The following TNXB variants were observed in gnomAD, a reference collection of about 807,000 sequenced individuals.
TNXB encodes tenascin XB, also known as tenascin-X.
A neutral mutation model predicts 340.5 loss-of-function variants in TNXB; 183 were observed. The ratio of observed to expected loss-of-function variants is 0.54; its 90% confidence interval spans 0.48 to 0.61. The LOEUF is 0.61. Among genes scored for constraint, TNXB ranks in the 20% least tolerant of loss-of-function variants. TNXB has a pLI of 0.00. For synonymous variants in TNXB, 2,121 were observed against 2,314.5 expected (o/e 0.92, Z 2.40); for missense variants, 4,613 against 5,446.4 (o/e 0.85, Z 4.82).
Position 32,050,190 on chromosome 6 carries a change from G to A in TNXB, c.9247C>T (p.Pro3083Ser). Reference protein sequence around the residue: ...PDSLSLSWMVPEGQFDHFLVQ... With the variant: ...PDSLSLSWMVSEGQFDHFLVQ... Reference sequence around the variant, plus strand: ...AGGAAGTGGTCAAACTGGCCCTCGGGAACCATCCAGGACAGGCTGAGGGAG... The same window carrying A: ...AGGAAGTGGTCAAACTGGCCCTCGGAAACCATCCAGGACAGGCTGAGGGAG... The change falls in exon 27 of 44, where the codon CCC becomes TCC. Residue 3083 changes from proline (P) to serine (S), a missense_variant. By Grantham distance (74) the Pro-to-Ser change is moderately conservative. This residue lies in a region of TNXB where 4,327 missense variants were observed against 4,859.4 expected (regional missense o/e 0.89). Transcript: ENST00000644971. The A allele has an allele frequency of 6.2e-7, 1 of 1,613,820 alleles. No homozygotes were observed. Among genetic ancestry groups the A allele is most frequent in the South Asian group, 1.1e-5 (1 of 91,082 alleles).
At chr6:32,056,394 ACTC>A (rs1386150009) in intron 23 of TNXB, among the ~76,000 whole-genome samples, 189 bp downstream of exon 23, 1 of 151,954 alleles carries the variant, frequency 6.6e-6, no homozygotes, top group Non-Finnish European at 1.5e-5. Context: ...GCACAGCAGA[ACTC>A]CTGATGGCCC....
rs1324806963 is a variant in TNXB, at chr6:32,058,088, G to C, written c.7795C>G (p.Leu2599Val). 6.2e-7 allele frequency: 1 copy of C among 1,610,478 alleles called. No individual in the cohort carries two copies. The highest frequency in any genetic ancestry group is 8.5e-7 in the Non-Finnish European group (1 of 1,178,310). Residue 2599 changes from leucine (L) to valine (V), a missense_variant, in exon 22 of 44, where the codon CTG (leucine) becomes GTG (valine). Physicochemically the swap from Leu to Val is conservative, Grantham distance 32 (BLOSUM62 1). Coordinates refer to ENST00000644971, the MANE Select transcript of TNXB (RefSeq NM_001365276.2). This position sits in a 1 kb window ranked among gnomAD's most constrained non-coding sequence, Gnocchi z 5.1. Reference protein sequence around the residue: ...HLYGLHEGRRLGPVSAVGVTE... With the variant: ...HLYGLHEGRRVGPVSAVGVTE... ...ACGCCCACGGCAGACACCGGGCCCA[G>C]GCGCCGCCCCTCGTGGAGGCCGTAC...
chr6:32,086,059 T>C lies in TNXB; in HGVS notation c.2839A>G (p.Thr947Ala). 6.3e-7 allele frequency: 1 copy of C among 1,591,878 alleles called. No individual in the cohort carries two copies. The highest frequency in any genetic ancestry group is 8.5e-7 in the Non-Finnish European group (1 of 1,170,664). Reference protein sequence around the residue: ...TDEPPPSGPSTTQGAQAPLLQ... With the variant: ...TDEPPPSGPSATQGAQAPLLQ... ...AGAGGAGCCTGGGCCCCTTGCGTCGTCGAGGGGCCTGAGGGAGGAGGCTCA... is the reference window on the plus strand; with the variant it reads ...AGAGGAGCCTGGGCCCCTTGCGTCGCCGAGGGGCCTGAGGGAGGAGGCTCA... Residue 947 changes from threonine (T) to alanine (A), a missense_variant, in exon 7 of 44, where the codon ACG (threonine) becomes GCG (alanine). Thr to Ala is a moderately conservative substitution (Grantham distance 58). Coordinates refer to ENST00000644971, the MANE Select transcript of TNXB (RefSeq NM_001365276.2).
rs1188608759 is a variant in TNXB, at chr6:32,089,593, T to A, written c.2359-214A>T. On this transcript the variant is annotated intron_variant, in intron 4 of 43. Transcript: ENST00000644971. This position sits in a 1 kb window ranked among gnomAD's most constrained non-coding sequence, Gnocchi z 6.2. ...GTACACACATGAACTCACTTAATTC[T>A]CACAACAACCCTACGAAACAGGTCC... Among the ~76,000 whole-genome samples, 2 of 152,136 alleles carry A rather than the reference T, an allele frequency of 1.3e-5. No individual in the cohort carries two copies. The highest frequency in any genetic ancestry group is 4.8e-5 in the African/African-American group (2 of 41,408).
At chr6:32,094,273 T>A (rs182917470) in intron 4 of TNXB, among the ~76,000 whole-genome samples, 4 of 151,564 alleles carry the variant, frequency 2.6e-5, no homozygotes, top group Admixed American at 2.0e-4. Context: ...CAGGGCCAAA[T>A]GCAAAGGCCT....
rs890412799 is a variant in TNXB at position 32,049,477 on chromosome 6, G to T, written c.9550C>A (p.Leu3184Ile). The change falls in exon 28 of 44, where the codon CTC (leucine) becomes ATC (isoleucine). Residue 3184 changes from leucine (L) to isoleucine (I), a missense_variant. Physicochemically the swap from Leu to Ile is conservative, Grantham distance 5. Around this residue, in one of 7 missense-constraint regions of TNXB, gnomAD observed 4,327 missense variants for 4,859.4 expected, o/e 0.89. Coordinates refer to ENST00000644971, the MANE Select transcript of TNXB (RefSeq NM_001365276.2). This position sits in a 1 kb window ranked among gnomAD's most constrained non-coding sequence, Gnocchi z 4.5. ...CGGCCCTGGGGGACGGTCCAGGAGA[G>T]GCTCAGCGAGTCAGGGGAGGATCCT... ...VTGSSPDSLS[L>I]SWTVPQGRFD... 2 of 1,612,566 alleles carry T rather than the reference G, an allele frequency of 1.2e-6. No individual in the cohort carries two copies. The highest frequency in any genetic ancestry group is 2.7e-5 in the African/African-American group (2 of 74,878).
Position 32,048,447 on chromosome 6 carries a change from C to G in TNXB, c.9961G>C (p.Asp3321His). 1 of 1,584,228 alleles carries G rather than the reference C, an allele frequency of 6.3e-7. No homozygotes were observed. The highest frequency in any genetic ancestry group is 8.6e-7 in the Non-Finnish European group (1 of 1,164,430). ...AGGAACTTGTACTTGCGGGCCGGGT[C>G]CAGCCCCGAGACGGCGACCGCTCGG... ...DLRAVAVSGL[D>H]PARKYKFLLF... is the part of the protein sequence containing the mutation. Residue 3321 changes from aspartate to histidine, a missense_variant, in exon 29 of 44, where the codon GAC (aspartate) becomes CAC (histidine). Physicochemically the swap from Asp to His is moderately conservative, Grantham distance 81. This residue lies in a region of TNXB where 4,327 missense variants were observed against 4,859.4 expected (regional missense o/e 0.89). Transcript: ENST00000644971.
rs1048096763 is a variant in TNXB, at chr6:32,087,013, C to T, written c.2780-895G>A. On this transcript the variant is annotated intron_variant, in intron 6 of 43. Coordinates refer to ENST00000644971, the MANE Select transcript of TNXB (RefSeq NM_001365276.2). The surrounding 1 kb of genome is among the most constrained non-coding windows in gnomAD (Gnocchi z 9.0). ...GTGTCCCGGGAAACCCCAAAGAAGG[C>T]GCTGCCTTGACCTTAGGCATCCACA... 6.6e-6 allele frequency among the ~76,000 whole-genome samples: 1 copy of T among 152,206 alleles called. No individual in the cohort carries two copies. The highest frequency in any genetic ancestry group is 1.5e-5 in the Non-Finnish European group (1 of 68,036).
Position 32,082,380 on chromosome 6 carries a change from A to G in TNXB, c.3446-54T>C. 6.6e-7 allele frequency: 1 copy of G among 1,508,708 alleles called. No homozygotes were observed. The highest frequency in any genetic ancestry group is 8.9e-7 in the Non-Finnish European group (1 of 1,118,956). The allele number at this position is 1,508,708 out of a possible 1,614,324, so 93.5% of individuals were successfully genotyped here. The stretch of plus-strand genomic sequence containing the variant: ...AGACTTAGGTCCAAGGAGAATGGGG[A>G]AGCCAAATCCCACATAGGAATGCTG... On this transcript the variant is annotated intron_variant, in intron 8 of 43. Coordinates refer to ENST00000644971, the MANE Select transcript of TNXB (RefSeq NM_001365276.2). This position sits in a 1 kb window ranked among gnomAD's most constrained non-coding sequence, Gnocchi z 5.0.
At position 32,052,953 on chromosome 6, in the gene TNXB, C is replaced by A. The variant is rs778066630; in HGVS notation, c.8832G>T (p.Thr2944=). Residue 2944 remains threonine (T), a synonymous_variant, in exon 26 of 44, where the codon ACG becomes ACT. Coordinates refer to ENST00000644971, the MANE Select transcript of TNXB (RefSeq NM_001365276.2). This position sits in a 1 kb window ranked among gnomAD's most constrained non-coding sequence, Gnocchi z 4.7. ...EETPAPTEPS[T]EAPEPPEEPL... Reference sequence around the variant, plus strand: ...GCTCCTCAGGGGGCTCCGGGGCCTCCGTGCTGGGTTCTGTGGGGGCGGGAG... The same window carrying A: ...GCTCCTCAGGGGGCTCCGGGGCCTCAGTGCTGGGTTCTGTGGGGGCGGGAG... The A allele has an allele frequency of 3.7e-6, 6 of 1,612,342 alleles. No homozygotes were observed. The highest frequency in any genetic ancestry group is 3.3e-5 in the Admixed American group (2 of 59,982).
chr6:32,093,981 C>A (rs941146183), intron 4 of TNXB, among the ~76,000 whole-genome samples: 4 of 150,720 alleles, frequency 2.7e-5, no homozygotes, highest in African/African-American at 7.3e-5. Context: ...GTAGTCCCAG[C>A]TACTTGGGAG....
intron 22 of TNXB, among the ~76,000 whole-genome samples, chr6:32,057,169 A>G (rs1582375412): frequency 2.0e-5 from 3 of 149,144 alleles, no homozygotes; most frequent in South Asian, 2.1e-4. Context: ...TCTTTTGAGC[A>G]CAGCCCCACT....
intron 4 of TNXB, chr6:32,093,404 G>A (rs918864498): frequency 1.4e-6 from 1 of 702,310 alleles, no homozygotes; most frequent in East Asian, 2.7e-5. Flanking sequence ...TGAGATTTCT[G>A]CTTCTGCTTT....
At chr6:32,053,243 G>A in intron 25 of TNXB, 145 bp downstream of exon 25, 1 of 1,343,038 alleles carries the variant, frequency 7.4e-7, no homozygotes. Flanking sequence ...AGGAAGATCT[G>A]TCAGTCCTCA....
At position 32,082,572 on chromosome 6, in the gene TNXB, G is replaced by A. The variant is rs1582443130; in HGVS notation, c.3446-246C>T. Reference sequence around the variant, plus strand: ...CTTTCAAACGGCATGGAAGCACTGCGTGGACTAGTGTGGCTCTGCCTCCAA... The same window carrying A: ...CTTTCAAACGGCATGGAAGCACTGCATGGACTAGTGTGGCTCTGCCTCCAA... On this transcript the variant is annotated intron_variant, in intron 8 of 43. Transcript: ENST00000644971. The surrounding 1 kb of genome is among the most constrained non-coding windows in gnomAD (Gnocchi z 5.0). 6.6e-6 allele frequency among the ~76,000 whole-genome samples: 1 copy of A among 152,106 alleles called. No individual in the cohort carries two copies. The highest frequency in any genetic ancestry group is 1.5e-5 in the Non-Finnish European group (1 of 68,006).
intron 11 of TNXB, among the ~76,000 whole-genome samples, chr6:32,076,408 T>C (rs911937099): frequency 6.6e-6 from 1 of 152,198 alleles, no homozygotes; most frequent in African/African-American, 2.4e-5. Context: ...GCTTCGTCCT[T>C]TTGCTGCTCT....
chr6:32,048,084 T>C (rs995528539), intron 29 of TNXB, 72 bp from the exon 30 acceptor site: 26 of 1,531,148 alleles, frequency 1.7e-5, no homozygotes, highest in South Asian at 3.7e-5. Flanking sequence ...TGGGCTGCTA[T>C]GGCTCTGTGA....
Position 32,047,821 on chromosome 6 carries a change from G to A in TNXB, c.10237C>T (p.Leu3413=). 1 of 1,611,590 alleles carries A rather than the reference G, an allele frequency of 6.2e-7. No individual in the cohort carries two copies. The highest frequency in any genetic ancestry group is 8.5e-7 in the Non-Finnish European group (1 of 1,179,324). ...ANQREVTVQG[L]EPSRKYRFLL... The stretch of plus-strand genomic sequence containing the variant: ...AACCTGTATTTCCTACTGGGCTCCA[G>A]GCCCTGGACTGTGACCTCCCGCTGG... Residue 3413 remains leucine, a synonymous_variant, in exon 30 of 44, where the codon CTG becomes TTG. Transcript: ENST00000644971. This position sits in a 1 kb window ranked among gnomAD's most constrained non-coding sequence, Gnocchi z 6.2.
In TNXB at chr6:32,089,881, C is replaced by G. The variant is rs745938888; in HGVS notation, c.2359-502G>C. On this transcript the variant is annotated intron_variant, in intron 4 of 43. Transcript: ENST00000644971. This position sits in a 1 kb window ranked among gnomAD's most constrained non-coding sequence, Gnocchi z 6.2. ...ACTCTGACTACCTGGGCATGAGGAGCCTTTTCCTAAGCTTGGTCCTGTCAG... is the reference window on the plus strand; with the variant it reads ...ACTCTGACTACCTGGGCATGAGGAGGCTTTTCCTAAGCTTGGTCCTGTCAG... Among the ~76,000 whole-genome samples the G allele has an allele frequency of 3.9e-5, 6 of 152,184 alleles. No homozygotes were observed. The highest frequency in any genetic ancestry group is 9.7e-5 in the African/African-American group (4 of 41,440).
Sources: gnomAD v4.1 joint callset for allele counts (sites outside exome capture counted in the v4.1 genomes callset) on GRCh38, gnomAD v4.1.1 for gene constraint, gnomAD v4.1.1 regional missense constraint, Gnocchi (gnomAD v3.1) non-coding constraint, MANE v1.5 for transcripts, NCBI Gene and HGNC (gene_info 2026-07-23, HGNC 2026-07-21) for gene names.